Variants in ANK3 observed in about 807,000 individuals in gnomAD.
ANK3 encodes ankyrin-3.
ANK3 carries 57 observed loss-of-function variants against 370.9 expected under a neutral mutation model. The ratio of observed to expected loss-of-function variants is 0.15; its 90% confidence interval spans 0.12 to 0.19. ANK3 has a LOEUF of 0.19. Among genes scored for constraint, ANK3 ranks in the 10% least tolerant of loss-of-function variants. The pLI, the probability that ANK3 is intolerant of heterozygous loss-of-function variation, is 1.00. For synonymous variants in ANK3, 1,929 were observed against 1,946.3 expected, an observed-to-expected ratio of 0.99 and a Z score of 0.23; for missense variants, 4,439 against 5,302.1, an observed-to-expected ratio of 0.84 and a Z score of 5.06.
At chr10:60,198,622 T>C (rs2096623077) in intron 13 of ANK3, 85 bp from the exon 14 acceptor site, 2 of 1,246,972 alleles carry the variant, frequency 1.6e-6, no homozygotes, top group African/African-American at 3.0e-5. Context: ...ATTAGCTGCT[T>C]GATGTAAGAG....
Position 60,469,579 on chromosome 10 carries a change from ATATATATATATATATATGGTGG to A in ANK3, c.96+145585_96+145606del, listed in dbSNP as rs1449133027. Among the ~76,000 whole-genome samples, 2 of 17,156 alleles carry A rather than the reference ATATATATATATATATATGGTGG, an allele frequency of 1.2e-4. 1 individual carries two copies. Among genetic ancestry groups the A allele is most frequent in the Non-Finnish European group, 1.7e-4 (2 of 11,622 alleles). 11.3% of individuals were successfully genotyped at this position (17,156 alleles called of 152,430 possible). On this transcript the variant is annotated intron_variant, in intron 2 of 43. Transcript: ENST00000373827. Reference sequence around the variant, plus strand: ...TATATATATATATATATGGTGGTATATATATATATATATATATGGTGGTATATATATATATATATATGGTGGT... The same window carrying A: ...TATATATATATATATATGGTGGTATATATATATATATATATATATGGTGGT...
intron 1 of ANK3, among the ~76,000 whole-genome samples, chr10:60,281,769 T>C (rs938285446): frequency 1.2e-4 from 18 of 152,116 alleles, no homozygotes; most frequent in African/African-American, 3.4e-4. Flanking sequence ...GATACAAAGG[T>C]GAATACCAGA....
Position 60,186,847 on chromosome 10 carries a change from C to T in ANK3, c.1953G>A (p.Leu651=). The change falls in exon 17 of 44, where the codon CTG becomes CTA. Residue 651 remains leucine, a synonymous_variant. Coordinates refer to ENST00000280772, the MANE Select transcript of ANK3 (RefSeq NM_020987.5). ...CTGCGTTGGCATCAGCACCATATTC[C>T]AGCAGAGTTGTCGCTATGTCCATCT... is the stretch of plus-strand genomic sequence containing the variant. The part of the protein sequence containing the change: ...KNQMDIATTL[L]EYGADANAVT... 6 of 1,614,180 alleles carry T rather than the reference C, an allele frequency of 3.7e-6. No homozygotes were observed. Among genetic ancestry groups the T allele is most frequent in the Non-Finnish European group, 5.1e-6 (6 of 1,180,022 alleles).
intron 5 of ANK3, among the ~76,000 whole-genome samples, chr10:60,264,781 C>T (rs1228539831): frequency 1.3e-5 from 2 of 152,058 alleles, no homozygotes; most frequent in Non-Finnish European, 2.9e-5. Flanking sequence ...CCTGTTGCCT[C>T]GCATATTCCT....
intron 1 of ANK3, among the ~76,000 whole-genome samples, chr10:60,312,681 C>G (rs150856442): frequency 6.6e-6 from 1 of 152,312 alleles, no homozygotes; most frequent in African/African-American, 2.4e-5. Flanking sequence ...GGTTTCGCAT[C>G]TCCCTTAATT....
chr10:60,232,440 T>C (rs2097260126), intron 8 of ANK3, among the ~76,000 whole-genome samples: 1 of 152,152 alleles, frequency 6.6e-6, no homozygotes, highest in Non-Finnish European at 1.5e-5. Flanking sequence ...ACTCCTTAAA[T>C]AGCCTGCGCT....
At chr10:60,703,991 A>C (rs1239881408) in intron 1 of ANK3, among the ~76,000 whole-genome samples, 1 of 152,176 alleles carries the variant, frequency 6.6e-6, no homozygotes, top group African/African-American at 2.4e-5. Flanking sequence ...GCCAGGTCAT[A>C]AGAAGCCCCG....
intron 1 of ANK3, among the ~76,000 whole-genome samples, chr10:60,363,093 G>T: frequency 7.1e-6 from 1 of 140,848 alleles, no homozygotes; most frequent in South Asian, 2.6e-4. Flanking sequence ...CGGGGGAGGG[G>T]GGCGGGGGGC....
intron 2 of ANK3, among the ~76,000 whole-genome samples, chr10:60,396,951 T>C (rs1004444391): frequency 1.3e-5 from 2 of 152,202 alleles, no homozygotes; most frequent in East Asian, 3.8e-4. Context: ...CATCCTTTTA[T>C]GTTAGTGAGT....
At chr10:60,547,469 C>T (rs1226548106) in intron 2 of ANK3, among the ~76,000 whole-genome samples, 9 of 151,986 alleles carry the variant, frequency 5.9e-5, no homozygotes, top group African/African-American at 2.2e-4. Context: ...GATCTCGGCT[C>T]ACTGCAACCT....
At chr10:60,610,518 G>C (rs913162990) in intron 2 of ANK3, among the ~76,000 whole-genome samples, 3 of 148,334 alleles carry the variant, frequency 2.0e-5, no homozygotes, top group African/African-American at 4.9e-5. Context: ...AAAAAAAAAT[G>C]CTTCCCGAAT....
At chr10:60,198,132 T>C (rs971325129) in intron 14 of ANK3, among the ~76,000 whole-genome samples, 1 of 152,142 alleles carries the variant, frequency 6.6e-6, no homozygotes, top group South Asian at 2.1e-4. Flanking sequence ...GAAGATAACA[T>C]ACTAAGAAAC....
At chr10:60,040,007 A>G (rs1036480359) in intron 43 of ANK3, among the ~76,000 whole-genome samples, 2 of 152,234 alleles carry the variant, frequency 1.3e-5, no homozygotes, top group Non-Finnish European at 2.9e-5. Flanking sequence ...AAAGGTCACA[A>G]GCAAAATTGC....
At chr10:60,426,282 T>C (rs918348623) in intron 2 of ANK3, among the ~76,000 whole-genome samples, 13 of 152,174 alleles carry the variant, frequency 8.5e-5, no homozygotes, top group South Asian at 8.3e-4. Flanking sequence ...TTTCTCCTTG[T>C]TTTAGCATAA....
In ANK3 at chr10:60,043,278, C is replaced by T. The variant is rs994401214; in HGVS notation, c.13066-519G>A. The stretch of plus-strand genomic sequence containing the variant: ...ACTGAGCATCAGGAATACAGTTCCC[C>T]GAGAGCAAGGTTGTGGCACAAATAC... On this transcript the variant is annotated intron_variant, in intron 42 of 43. Coordinates refer to ENST00000280772, the MANE Select transcript of ANK3 (RefSeq NM_020987.5). The T allele has an allele frequency of 6.4e-5, 63 of 985,242 alleles. No individual in the cohort carries two copies. The South Asian group carries it at 8.9e-4, about 14-fold the overall frequency. The allele number at this position is 985,242 out of a possible 1,614,324, so 61.0% of individuals were successfully genotyped here.
chr10:60,710,574 T>C (rs1277514065), intron 1 of ANK3, among the ~76,000 whole-genome samples: 1 of 152,178 alleles, frequency 6.6e-6, no homozygotes, highest in Non-Finnish European at 1.5e-5. Flanking sequence ...TCTGTGAGTG[T>C]TTTCAAATTG....
At position 60,299,905 on chromosome 10, in the gene ANK3, T is replaced by C. The variant is rs375881606; in HGVS notation, c.115-20266A>G. Among the ~76,000 whole-genome samples the C allele has an allele frequency of 7.9e-5, 12 of 152,336 alleles. No individual in the cohort carries two copies. In the East Asian group the frequency reaches 2.3e-3, roughly 29 times the overall value. On this transcript the variant is annotated intron_variant, in intron 1 of 43. Transcript: ENST00000280772. ...TTCTCCCCAACTGTAAAATTTCATA[T>C]TGCCCCTTGTAATTAATACATCAGA...
chr10:60,626,757 G>A (rs2078416092), intron 1 of ANK3, among the ~76,000 whole-genome samples: 1 of 152,146 alleles, frequency 6.6e-6, no homozygotes, highest in Admixed American at 6.6e-5. Context: ...AAGACAGTGG[G>A]AATGAGGTTA....
chr10:60,449,000 G>T (rs1424262274), intron 2 of ANK3, among the ~76,000 whole-genome samples: 1 of 152,040 alleles, frequency 6.6e-6, no homozygotes, highest in Non-Finnish European at 1.5e-5. Context: ...CATCTCAAAG[G>T]GTCAGTAAAA....
Sources: gnomAD v4.1 joint callset for allele counts (sites outside exome capture counted in the v4.1 genomes callset) on GRCh38, gnomAD v4.1.1 for gene constraint, MANE v1.5 for transcripts, NCBI Gene and HGNC (gene_info 2026-07-23, HGNC 2026-07-21) for gene names.